PAK1: variants seen among roughly 807,000 people sequenced by gnomAD.
The protein encoded by PAK1 is p21 (RAC1) activated kinase 1.
Under a neutral mutation model 67.4 loss-of-function variants are expected in PAK1, and 29 were observed. That is an observed-to-expected ratio of 0.43 (90% CI 0.32 to 0.59). The LOEUF (loss-of-function observed/expected upper bound fraction) is 0.59. Ranked by LOEUF, PAK1 falls within the 20% of genes least tolerant of loss-of-function variation. The pLI is 0.07. For missense variants in PAK1, 337 were observed against 670.7 expected, an observed-to-expected ratio of 0.50 and a Z score of 5.50; for synonymous variants, 223 against 237.4, an observed-to-expected ratio of 0.94 and a Z score of 0.56.
chr11:77,382,514 T>C (rs1949965386), intron 2 of PAK1, among the ~76,000 whole-genome samples: 1 of 152,198 alleles, frequency 6.6e-6, no homozygotes, highest in Non-Finnish European at 1.5e-5. Context: ...TTCCTGTTAA[T>C]TCCCAAGACA....
chr11:77,426,141 A>C (rs1465686983), intron 1 of PAK1, among the ~76,000 whole-genome samples: 1 of 149,734 alleles, frequency 6.7e-6, no homozygotes, highest in Non-Finnish European at 1.5e-5. Flanking sequence ...TAAGAACAAA[A>C]GGAGTCTCAG....
chr11:77,451,943 T>C (rs914252508), intron 1 of PAK1, among the ~76,000 whole-genome samples: 2 of 152,196 alleles, frequency 1.3e-5, no homozygotes, highest in African/African-American at 2.4e-5. Context: ...GCCATGAACA[T>C]AGCAATGGGA....
chr11:77,429,022 A>G (rs1383096808), intron 1 of PAK1, among the ~76,000 whole-genome samples: 1 of 144,992 alleles, frequency 6.9e-6, no homozygotes, highest in African/African-American at 2.6e-5. Context: ...ATTATCTAGG[A>G]ACCAGATTTT....
intron 5 of PAK1, among the ~76,000 whole-genome samples, chr11:77,373,200 T>A (rs1231277392): frequency 2.6e-5 from 4 of 152,128 alleles, no homozygotes; most frequent in Non-Finnish European, 4.4e-5. Flanking sequence ...TAAATCAATA[T>A]GGCATAACCA....
intron 5 of PAK1, among the ~76,000 whole-genome samples, chr11:77,367,939 G>T (rs548199621): frequency 6.6e-6 from 1 of 152,168 alleles, no homozygotes; most frequent in African/African-American, 2.4e-5. Flanking sequence ...AGATCACGCC[G>T]CTGCACTCCA....
Position 77,406,197 on chromosome 11 carries a change from C to T in PAK1, c.-21-13656G>A, listed in dbSNP as rs545372932. Among the ~76,000 whole-genome samples the T allele has an allele frequency of 2.0e-5, 3 of 152,262 alleles. No individual in the cohort carries two copies. The South Asian group carries it at 6.2e-4, about 32-fold the overall frequency. On this transcript the variant is annotated intron_variant, in intron 1 of 14. Coordinates refer to ENST00000356341, the MANE Select transcript of PAK1 (RefSeq NM_002576.5). ...CTCATGGCTTTACATATTATTAATA[C>T]GTTGATAATGCCCAAGTTTTGATCT... is the stretch of plus-strand genomic sequence containing the variant.
At chr11:77,408,838 T>G (rs1437821589) in intron 1 of PAK1, among the ~76,000 whole-genome samples, 1 of 152,104 alleles carries the variant, frequency 6.6e-6, no homozygotes, top group Non-Finnish European at 1.5e-5. Context: ...TGAACGGACA[T>G]TTTTCGTAAC....
chr11:77,428,571 CAA>C (rs34457093), intron 1 of PAK1, among the ~76,000 whole-genome samples: 8 of 111,006 alleles, frequency 7.2e-5, no homozygotes, highest in Non-Finnish European at 9.5e-5. Flanking sequence ...GACTCCATCT[CAA>C]AAAAAAAAAA....
chr11:77,429,296 T>C (rs1379819850), intron 1 of PAK1, among the ~76,000 whole-genome samples: 1 of 152,034 alleles, frequency 6.6e-6, no homozygotes, highest in Non-Finnish European at 1.5e-5. Flanking sequence ...ATGCTAGCAA[T>C]AGATTATTAC....
At chr11:77,503,262 A>C in the PAK1 span, among the ~76,000 whole-genome samples, 1 of 152,164 alleles carries the variant, frequency 6.6e-6, no homozygotes, top group African/African-American at 2.4e-5. Flanking sequence ...AATCAGTGGG[A>C]GCCTCCGAGA....
chr11:77,328,587 C>T (rs1440136196), intron 14 of PAK1, among the ~76,000 whole-genome samples: 3 of 151,968 alleles, frequency 2.0e-5, no homozygotes, highest in Admixed American at 1.3e-4. Flanking sequence ...TTGAAACCAA[C>T]GAGAACAAAG....
At position 77,350,931 on chromosome 11, in the gene PAK1, T is replaced by C. The variant is rs559758366; in HGVS notation, c.837-1644A>G. ...TTCCTGATCCTACTAGATGTAATAT[T>C]CTTAAAGGACAAACATGCCCAAGCC... is the stretch of plus-strand genomic sequence containing the variant. On this transcript the variant is annotated intron_variant, in intron 8 of 14. Transcript: ENST00000356341. Among the ~76,000 whole-genome samples the C allele has an allele frequency of 7.2e-5, 11 of 152,228 alleles. No homozygotes were observed. In the South Asian group the frequency reaches 2.3e-3, roughly 32 times the overall value.
chr11:77,323,253 G>T lies in PAK1; in HGVS notation c.*21C>A, dbSNP rs1159821922. On this transcript the variant is annotated 3_prime_UTR_variant, in exon 15 of 15. Coordinates refer to ENST00000356341, the MANE Select transcript of PAK1 (RefSeq NM_002576.5). Reference sequence around the variant, plus strand: ...TATCTCACAGAAGGCTTGGCACAATGAGGCTGGGGTGAGTGTGGTTTTAGT... The same window carrying T: ...TATCTCACAGAAGGCTTGGCACAATTAGGCTGGGGTGAGTGTGGTTTTAGT... The T allele has an allele frequency of 1.9e-6, 3 of 1,613,510 alleles. No homozygotes were observed. The highest frequency in any genetic ancestry group is 2.7e-5 in the African/African-American group (2 of 74,908).
At chr11:77,364,985 A>G (rs1394274444) in intron 5 of PAK1, among the ~76,000 whole-genome samples, 1 of 152,220 alleles carries the variant, frequency 6.6e-6, no homozygotes. Flanking sequence ...GCGGTGGCTC[A>G]CACCTGTAAT....
At chr11:77,397,910 C>T (rs888226646) in intron 1 of PAK1, among the ~76,000 whole-genome samples, 2 of 152,142 alleles carry the variant, frequency 1.3e-5, no homozygotes, top group African/African-American at 4.8e-5. Context: ...GGGATAGAAC[C>T]CTCTTTAAAC....
intron 9 of PAK1, among the ~76,000 whole-genome samples, chr11:77,345,754 G>A (rs1034657797): frequency 1.3e-5 from 2 of 152,158 alleles, no homozygotes; most frequent in South Asian, 4.2e-4. Flanking sequence ...TTTTCCTAAC[G>A]TTTGAAAAGC....
At chr11:77,400,483 G>A (rs1224177434) in intron 1 of PAK1, among the ~76,000 whole-genome samples, 1 of 152,292 alleles carries the variant, frequency 6.6e-6, no homozygotes, top group Non-Finnish European at 1.5e-5. Context: ...CCTGGAGGAG[G>A]AGACCATCTG....
the PAK1 span, among the ~76,000 whole-genome samples, chr11:77,487,530 G>A: frequency 6.6e-6 from 1 of 152,024 alleles, no homozygotes; most frequent in Non-Finnish European, 1.5e-5. Flanking sequence ...CTTGGCTTGT[G>A]GATGGCATAT....
intron 14 of PAK1, among the ~76,000 whole-genome samples, chr11:77,329,521 A>G (rs1254911391): frequency 6.6e-6 from 1 of 152,230 alleles, no homozygotes; most frequent in Admixed American, 6.5e-5. Context: ...AAACAGAACT[A>G]AAGACAAAAA....
Sources: allele counts gnomAD v4.1 joint callset (sites outside exome capture counted in the v4.1 genomes callset), GRCh38; gene constraint gnomAD v4.1.1; transcripts MANE v1.5; gene names NCBI Gene and HGNC (gene_info 2026-07-23, HGNC 2026-07-21).